Variants in SEMA4B observed in about 807,000 individuals in gnomAD.
SEMA4B encodes semaphorin-4B.
Under a neutral mutation model 88.1 loss-of-function variants are expected in SEMA4B, and 55 were observed. The observed-to-expected ratio is 0.62, with a 90% CI of 0.50 to 0.78. The LOEUF (loss-of-function observed/expected upper bound fraction) is 0.78, where lower values mean the gene tolerates loss of function less well. Ranked by LOEUF, SEMA4B falls within the 30% of genes least tolerant of loss-of-function variation. The pLI is 0.00. For missense variants in SEMA4B, 1,062 were observed against 1,111.9 expected (o/e 0.96, Z 0.64); for synonymous variants, 525 against 473.6 (o/e 1.11, Z -1.41).
At chr15:90,209,603 C>A (rs8040878) in intron 1 of SEMA4B, among the ~76,000 whole-genome samples, 99,878 of 151,752 alleles carry the variant, frequency 0.66, 33,310 homozygotes, top group East Asian at 0.93. Flanking sequence ...AAAGACCCTC[C>A]TCATCATCAT....
chr15:90,228,133 C>T lies in SEMA4B; in HGVS notation c.2004C>T (p.Ala668=). The T allele has an allele frequency of 1.2e-6, 2 of 1,611,440 alleles. No individual in the cohort carries two copies. The highest frequency in any genetic ancestry group is 1.7e-6 in the Non-Finnish European group (2 of 1,178,880). ...AGGAGGGCTTCCAGCAGCTGGTAGC[C>T]AGCTACTGCCCAGAGGTGGTGGAGG... ...SLEEGFQQLV[A]SYCPEVVEDG... is the part of the protein sequence containing the mutation. Residue 668 remains alanine (A), a synonymous_variant, in exon 14 of 14, where the codon GCC becomes GCT. Coordinates refer to ENST00000411539, the MANE Select transcript of SEMA4B (RefSeq NM_198925.4).
intron 1 of SEMA4B, among the ~76,000 whole-genome samples, chr15:90,203,303 G>T (rs1474531747): frequency 6.6e-6 from 1 of 152,148 alleles, no homozygotes; most frequent in Non-Finnish European, 1.5e-5. Flanking sequence ...CCAGCCCCAG[G>T]CCTGCTGTCT....
chr15:90,212,208 T>C lies in SEMA4B; in HGVS notation c.158-5231T>C, dbSNP rs895894353. Among the ~76,000 whole-genome samples the C allele has an allele frequency of 3.2e-4, 49 of 152,180 alleles. 1 individual carries two copies. The highest frequency in any genetic ancestry group is 1.1e-3 in the African/African-American group (45 of 41,510). On this transcript the variant is annotated intron_variant, in intron 1 of 13. Coordinates refer to ENST00000411539, the MANE Select transcript of SEMA4B (RefSeq NM_198925.4). The surrounding 1 kb of genome is among the most constrained non-coding windows in gnomAD (Gnocchi z 4.0). ...GTGGGGACCCTGCAGGTGACTCTTATGTGCCCATTCCATGTGCCGTCTCCC... is the reference window on the plus strand; with the variant it reads ...GTGGGGACCCTGCAGGTGACTCTTACGTGCCCATTCCATGTGCCGTCTCCC...
rs777062147 is a variant in SEMA4B, at chr15:90,217,440, C to T, written c.159C>T (p.Gly53=). Residue 53 remains glycine (G), a splice_region_variant and synonymous_variant, in exon 2 of 14, where the codon GGC becomes GGT. Transcript: ENST00000411539. Reference sequence around the variant, plus strand: ...TAATACCCATCTTCCTCTCCCCAGGCTCTGAAGAGCGGCCATTCCTCAGAT... The same window carrying T: ...TAATACCCATCTTCCTCTCCCCAGGTTCTGAAGAGCGGCCATTCCTCAGAT... ...ALSPRISLPL[G]SEERPFLRFE... 4 of 1,612,562 alleles carry T rather than the reference C, an allele frequency of 2.5e-6. No homozygotes were observed. The Admixed American group carries it at 5.0e-5, about 20-fold the overall frequency.
intron 1 of SEMA4B, among the ~76,000 whole-genome samples, chr15:90,194,009 G>A (rs745429243): frequency 4.0e-4 from 60 of 151,528 alleles, no homozygotes; most frequent in Non-Finnish European, 7.5e-4. Flanking sequence ...GCACCACCAC[G>A]CCCGGCTAAT....
chr15:90,215,881 A>G (rs1399557256), intron 1 of SEMA4B, among the ~76,000 whole-genome samples: 1 of 152,194 alleles, frequency 6.6e-6, no homozygotes, highest in Non-Finnish European at 1.5e-5. Flanking sequence ...AGAAGGGCTT[A>G]TTATAAAAAG....
chr15:90,195,092 TG>T (rs1232109925), intron 1 of SEMA4B, among the ~76,000 whole-genome samples: 1 of 151,948 alleles, frequency 6.6e-6, no homozygotes, highest in East Asian at 1.9e-4. Flanking sequence ...GTTCACACGT[TG>T]CTATTGATTT....
At chr15:90,219,529 A>G in intron 3 of SEMA4B, 1 of 467,230 alleles carries the variant, frequency 2.1e-6, no homozygotes. Flanking sequence ...AAGGGGTAGG[A>G]TTCTGTGCCC....
chr15:90,201,615 G>T lies in SEMA4B; in HGVS notation c.37G>T (p.Ala13Ser). Residue 13 changes from alanine to serine, a missense_variant, in exon 1 of 14, where the codon GCC (alanine) becomes TCC (serine). By Grantham distance (99) the Ala-to-Ser change is moderately conservative. Coordinates refer to ENST00000411539, the MANE Select transcript of SEMA4B (RefSeq NM_198925.4). ...RTAMGLRSWL[A>S]APWGALPPRP... is the part of the protein sequence containing the mutation. The stretch of plus-strand genomic sequence containing the variant: ...CGCGATGGGCCTGAGGAGCTGGCTC[G>T]CCGCCCCATGGGGCGCGCTGCCGCC... The T allele has an allele frequency of 6.6e-7, 1 of 1,514,592 alleles. No homozygotes were observed. Among genetic ancestry groups the T allele is most frequent in the Non-Finnish European group, 8.8e-7 (1 of 1,139,056 alleles). The allele number at this position is 1,514,592 out of a possible 1,614,324, so 93.8% of individuals were successfully genotyped here.
chr15:90,197,913 T>TA (rs1960566543), upstream of SEMA4B, among the ~76,000 whole-genome samples: 1 of 151,232 alleles, frequency 6.6e-6, no homozygotes. Flanking sequence ...TTTATTTTAT[T>TA]ATTAATTAAT....
intron 1 of SEMA4B, among the ~76,000 whole-genome samples, chr15:90,209,181 G>A (rs1961134669): frequency 6.6e-6 from 1 of 152,136 alleles, no homozygotes; most frequent in Admixed American, 6.5e-5. Context: ...ACTGCTGGGA[G>A]CTCACCTGAC....
chr15:90,209,139 C>G (rs537872049), intron 1 of SEMA4B, among the ~76,000 whole-genome samples: 1 of 152,146 alleles, frequency 6.6e-6, no homozygotes, highest in African/African-American at 2.4e-5. Context: ...CTGTGTCATT[C>G]ATTTGTTTAG....
At position 90,228,717 on chromosome 15, in the gene SEMA4B, C is replaced by T. The variant is rs1962341005; in HGVS notation, c.*74C>T. ...TCGGAGAGGGTCAACTGGACCTCCC[C>T]TCCGCTCTGCTCTTCGTGGAACACG... is the stretch of plus-strand genomic sequence containing the variant. On this transcript the variant is annotated 3_prime_UTR_variant, in exon 14 of 14. Coordinates refer to ENST00000411539, the MANE Select transcript of SEMA4B (RefSeq NM_198925.4). The T allele has an allele frequency of 2.5e-6, 4 of 1,571,604 alleles. No homozygotes were observed. The highest frequency in any genetic ancestry group is 1.1e-5 in the South Asian group (1 of 88,416).
intron 1 of SEMA4B, among the ~76,000 whole-genome samples, chr15:90,192,414 G>A (rs1411117105): frequency 1.3e-5 from 2 of 152,206 alleles, no homozygotes; most frequent in Non-Finnish European, 2.9e-5. Context: ...CTGTACCCAT[G>A]GATGATTAAT....
intron 1 of SEMA4B, among the ~76,000 whole-genome samples, chr15:90,205,196 G>C (rs28695902): frequency 0.73 from 111,589 of 152,210 alleles, 41,835 homozygotes; most frequent in East Asian, 0.94. Flanking sequence ...TCAACAAAAC[G>C]CCATTGAGCA....
intron 1 of SEMA4B, among the ~76,000 whole-genome samples, chr15:90,203,564 C>T (rs566988552): frequency 1.3e-5 from 2 of 152,256 alleles, no homozygotes; most frequent in Admixed American, 6.5e-5. Context: ...ACCTGCTTCC[C>T]GAGGAGCAGC....
intron 1 of SEMA4B, among the ~76,000 whole-genome samples, chr15:90,211,806 A>G (rs1410433206): frequency 1.3e-5 from 2 of 152,042 alleles, no homozygotes; most frequent in Non-Finnish European, 2.9e-5. Flanking sequence ...GCCTCCTTGC[A>G]TTGGAGGCCC....
chr15:90,225,178 GGTAA>G lies in SEMA4B; in HGVS notation c.1405+3_1405+6del, dbSNP rs1962088298. 1.3e-6 allele frequency: 2 copies of G among 1,594,802 alleles called. No homozygotes were observed. Among genetic ancestry groups the G allele is most frequent in the Non-Finnish European group, 1.7e-6 (2 of 1,170,650 alleles). Reference sequence around the variant, plus strand: ...CTACGATGTCCTCTTCCTGGGCACTGGTAAGTGTCTGCAGCCCAGCAGGCTCAGG... The same window carrying G: ...CTACGATGTCCTCTTCCTGGGCACTGGTGTCTGCAGCCCAGCAGGCTCAGG... On this transcript the variant is annotated splice_donor_variant and splice_donor_region_variant and intron_variant, in intron 10 of 13. Transcript: ENST00000411539. LOFTEE classifies it high-confidence loss of function.
chr15:90,207,990 C>T (rs561657359), intron 1 of SEMA4B, among the ~76,000 whole-genome samples: 3 of 152,296 alleles, frequency 2.0e-5, no homozygotes, highest in South Asian at 2.1e-4. Context: ...CGGTGGCTCA[C>T]GCCTATAATC....
Sources: allele counts gnomAD v4.1 joint callset (sites outside exome capture counted in the v4.1 genomes callset), GRCh38; gene constraint gnomAD v4.1.1; non-coding constraint Gnocchi (gnomAD v3.1); transcripts MANE v1.5; gene names NCBI Gene and HGNC (gene_info 2026-07-23, HGNC 2026-07-21).